Variants in AMBN observed in about 807,000 individuals in gnomAD.
The protein encoded by AMBN is ameloblastin.
In AMBN, 54 loss-of-function variants were observed where a neutral mutation model predicts 48.0. That is an observed-to-expected ratio of 1.12 (90% CI 0.90 to 1.41). The LOEUF (loss-of-function observed/expected upper bound fraction) is 1.41, where lower values mean the gene tolerates loss of function less well. Ranked by LOEUF, AMBN falls within the 40% of genes most tolerant of loss-of-function variation. The pLI is 0.00. For missense variants in AMBN, 571 were observed against 547.3 expected (o/e 1.04, Z -0.43); for synonymous variants, 186 against 190.0 (o/e 0.98, Z 0.17).
chr4:70,601,394 C>T (rs1187071373), intron 5 of AMBN, 24 bp from the exon 6 acceptor site: 2 of 1,608,820 alleles, frequency 1.2e-6, no homozygotes, highest in African/African-American at 2.7e-5. Context: ...CCCTTCCTAA[C>T]ACTCTTTTCA....
In AMBN at chr4:70,603,472, T is replaced by G. The variant is rs781020845; in HGVS notation, c.753+12T>G. ...GAGCAAATCAATTGGTAAGTCCATA[T>G]TCTATAAAAAGTATTGTTTTTAATT... On this transcript the variant is annotated intron_variant, in intron 11 of 12. Transcript: ENST00000322937. 6.2e-7 allele frequency: 1 copy of G among 1,608,828 alleles called. No individual in the cohort carries two copies. The highest frequency in any genetic ancestry group is 2.2e-5 in the East Asian group (1 of 44,766).
Position 70,606,851 on chromosome 4 carries a change from A to G in AMBN, c.*121A>G, listed in dbSNP as rs1200916351. 4 of 1,107,304 alleles carry G rather than the reference A, an allele frequency of 3.6e-6. No individual in the cohort carries two copies. Among genetic ancestry groups the G allele is most frequent in the Non-Finnish European group, 5.1e-6 (4 of 790,882 alleles). The allele number at this position is 1,107,304 out of a possible 1,614,324, so 68.6% of individuals were successfully genotyped here. A position where few individuals can be genotyped will look rare whatever the true frequency, so the allele number is the denominator to read the frequency against. Reference sequence around the variant, plus strand: ...AGCAAAGGCATTAAAAGCGCTAAGCATATATTAATAAATGCAAGTGGCTAG... The same window carrying G: ...AGCAAAGGCATTAAAAGCGCTAAGCGTATATTAATAAATGCAAGTGGCTAG... On this transcript the variant is annotated 3_prime_UTR_variant, in exon 13 of 13. Coordinates refer to ENST00000322937, the MANE Select transcript of AMBN (RefSeq NM_016519.6).
chr4:70,599,195 C>T (rs1161079337), intron 4 of AMBN, among the ~76,000 whole-genome samples: 1 of 152,168 alleles, frequency 6.6e-6, no homozygotes, highest in South Asian at 2.1e-4. Context: ...GTAATTCCAA[C>T]ATTTTGGGAG....
intron 4 of AMBN, among the ~76,000 whole-genome samples, chr4:70,598,931 C>A (rs998961036): frequency 2.7e-5 from 4 of 150,516 alleles, no homozygotes; most frequent in Admixed American, 6.7e-5. Context: ...TCTGCCACCA[C>A]GCCAGGCTAA....
intron 2 of AMBN, 87 bp downstream of exon 2, chr4:70,593,482 ACG>A: frequency 1.8e-6 from 2 of 1,112,496 alleles, no homozygotes; most frequent in Non-Finnish European, 2.7e-6. Flanking sequence ...CTGAGAGTCC[ACG>A]CATAGACTCA....
chr4:70,604,992 T>TAAAATAA (rs1338879675), intron 12 of AMBN, among the ~76,000 whole-genome samples: 3 of 145,150 alleles, frequency 2.1e-5, no homozygotes, highest in Non-Finnish European at 3.0e-5. Flanking sequence ...GACCCTGCCT[T>TAAAATAA]AAAAAAAAAA....
chr4:70,602,545 TA>T, intron 6 of AMBN, 78 bp from the exon 7 acceptor site: 1 of 1,059,538 alleles, frequency 9.4e-7, no homozygotes, highest in Non-Finnish European at 1.4e-6. Flanking sequence ...TCACTTTGTC[TA>T]TTTTTTTATT....
At chr4:70,597,179 A>C in intron 3 of AMBN, 130 bp downstream of exon 3, 2 of 679,078 alleles carry the variant, frequency 2.9e-6, no homozygotes, top group South Asian at 4.7e-5. Context: ...GGAGTGCTAG[A>C]AAAGTTATGA....
At chr4:70,603,972 T>C (rs1474202307) in intron 12 of AMBN, 51 bp downstream of exon 12, 1 of 1,580,104 alleles carries the variant, frequency 6.3e-7, no homozygotes. Flanking sequence ...GGAAGAACAG[T>C]CACTTATGAC....
intron 2 of AMBN, among the ~76,000 whole-genome samples, chr4:70,594,775 A>G (rs1737352494): frequency 6.6e-6 from 1 of 152,172 alleles, no homozygotes; most frequent in African/African-American, 2.4e-5. Flanking sequence ...ACACATTGGC[A>G]TTCTTTGAAC....
At position 70,592,261 on chromosome 4, in the gene AMBN, G is replaced by A; in HGVS notation, c.-98G>A. ...GTTTCTAATCTTCCCTGAATGAGAAGTACAGAGCAAGTCCCACGCACAGTC... is the reference window on the plus strand; with the variant it reads ...GTTTCTAATCTTCCCTGAATGAGAAATACAGAGCAAGTCCCACGCACAGTC... On this transcript the variant is annotated 5_prime_UTR_variant, in exon 1 of 13. Transcript: ENST00000322937. 5.0e-6 allele frequency: 6 copies of A among 1,199,680 alleles called. No homozygotes were observed. The highest frequency in any genetic ancestry group is 1.3e-5 in the South Asian group (1 of 76,038). The allele number at this position is 1,199,680 out of a possible 1,614,324, so 74.3% of individuals were successfully genotyped here. A position where few individuals can be genotyped will look rare whatever the true frequency, so the allele number is the denominator to read the frequency against.
rs1368105259 is a variant in AMBN at position 70,603,399 on chromosome 4, G to A, written c.709-17G>A. The A allele has an allele frequency of 1.2e-6, 2 of 1,613,468 alleles. No individual in the cohort carries two copies. The highest frequency in any genetic ancestry group is 1.7e-5 in the Admixed American group (1 of 59,970). ...ATTGGAAAATGCATTTTGTGATAAT[G>A]ATTGTATTTTATTTAGCTTTATCCA... On this transcript the variant is annotated splice_polypyrimidine_tract_variant and intron_variant, in intron 10 of 12. Coordinates refer to ENST00000322937, the MANE Select transcript of AMBN (RefSeq NM_016519.6).
intron 2 of AMBN, 46 bp downstream of exon 2, chr4:70,593,441 C>A: frequency 6.7e-7 from 1 of 1,497,548 alleles, no homozygotes; most frequent in South Asian, 1.1e-5. Context: ...TATTGATTGT[C>A]GAACTCCAAA....
Position 70,603,324 on chromosome 4 carries a change from G to C in AMBN, c.708+5G>C. 1 of 1,612,808 alleles carries C rather than the reference G, an allele frequency of 6.2e-7. No individual in the cohort carries two copies. The highest frequency in any genetic ancestry group is 1.1e-5 in the South Asian group (1 of 90,942). ...CCACAAAATAAACAATCTCCAGTAA[G>C]TTTTTTTTAATACCACATCTCTGTT... On this transcript the variant is annotated splice_donor_5th_base_variant and intron_variant, in intron 10 of 12. Coordinates refer to ENST00000322937, the MANE Select transcript of AMBN (RefSeq NM_016519.6).
intron 12 of AMBN, among the ~76,000 whole-genome samples, chr4:70,605,323 C>G (rs1737616947): frequency 6.6e-6 from 1 of 152,154 alleles, no homozygotes; most frequent in South Asian, 2.1e-4. Context: ...TTAATTATTT[C>G]TATTCTGCCT....
chr4:70,600,545 G>A (rs1737496233), intron 5 of AMBN, among the ~76,000 whole-genome samples: 2 of 152,184 alleles, frequency 1.3e-5, no homozygotes, highest in African/African-American at 4.8e-5. Flanking sequence ...TGACATGTGA[G>A]TAATGAATAC....
rs368371182 is a variant in AMBN, at chr4:70,600,867, C to A, written c.295-551C>A. Among the ~76,000 whole-genome samples the A allele has an allele frequency of 4.6e-5, 7 of 152,192 alleles. No individual in the cohort carries two copies. The South Asian group carries it at 1.2e-3, about 27-fold the overall frequency. The stretch of plus-strand genomic sequence containing the variant: ...TATGTTAATGGTGACTGTTTCTTAA[C>A]TTAATTGTTTCCAAAGTGGACTCCA... On this transcript the variant is annotated intron_variant, in intron 5 of 12. Transcript: ENST00000322937.
At chr4:70,601,058 G>A (rs1737509537) in intron 5 of AMBN, among the ~76,000 whole-genome samples, 1 of 152,064 alleles carries the variant, frequency 6.6e-6, no homozygotes, top group South Asian at 2.1e-4. Flanking sequence ...CGTTGACTGG[G>A]GGACAAAGAT....
rs553328499 is a variant in AMBN at position 70,598,351 on chromosome 4, G to C, written c.136-5G>C. ...AAACAGTAACCCACTTTTTTTTCTT[G>C]ATAGACAATGAGACAGTTGGGAAGT... On this transcript the variant is annotated splice_region_variant and splice_polypyrimidine_tract_variant and intron_variant, in intron 3 of 12. Transcript: ENST00000322937. 3 of 1,558,228 alleles carry C rather than the reference G, an allele frequency of 1.9e-6. No individual in the cohort carries two copies. Among genetic ancestry groups the C allele is most frequent in the South Asian group, 1.2e-5 (1 of 80,418 alleles).
Sources: allele counts gnomAD v4.1 joint callset (sites outside exome capture counted in the v4.1 genomes callset), GRCh38; gene constraint gnomAD v4.1.1; transcripts MANE v1.5; gene names NCBI Gene and HGNC (gene_info 2026-07-23, HGNC 2026-07-21).